Variants in NRCAM observed in about 807,000 individuals in gnomAD.
NRCAM encodes the protein NgCAM-related cell adhesion molecule.
In NRCAM, 83 loss-of-function variants were observed where a neutral mutation model predicts 156.5. The ratio of observed to expected loss-of-function variants is 0.53; its 90% CI spans 0.44 to 0.64. The LOEUF is 0.64. Among genes scored for constraint, NRCAM ranks in the 30% least tolerant of loss-of-function variants. The pLI, the probability that NRCAM is intolerant of heterozygous loss-of-function variation, is 0.00. For synonymous variants in NRCAM, 538 were observed against 563.9 expected (o/e 0.95, Z 0.65); for missense variants, 1,417 against 1,597.3 (o/e 0.89, Z 1.92).
At chr7:108,257,008 A>G (rs2096700630) in intron 3 of NRCAM, among the ~76,000 whole-genome samples, 1 of 146,200 alleles carries the variant, frequency 6.8e-6, no homozygotes, top group African/African-American at 2.6e-5. Flanking sequence ...GACTGTCGAA[A>G]AAAAAAAAAA....
At chr7:108,243,568 T>C (rs2095686890) in intron 3 of NRCAM, among the ~76,000 whole-genome samples, 1 of 152,218 alleles carries the variant, frequency 6.6e-6, no homozygotes, top group Non-Finnish European at 1.5e-5. Context: ...AATCCCAATT[T>C]GAAATAGCAG....
intron 1 of NRCAM, among the ~76,000 whole-genome samples, chr7:108,447,921 T>A (rs1410125450): frequency 1.3e-5 from 2 of 152,234 alleles, no homozygotes; most frequent in Non-Finnish European, 2.9e-5. Context: ...AAACTTTTAT[T>A]CTTTTCCCTT....
intron 2 of NRCAM, among the ~76,000 whole-genome samples, chr7:108,332,774 T>C (rs903916649): frequency 6.6e-6 from 1 of 152,156 alleles, no homozygotes; most frequent in African/African-American, 2.4e-5. Context: ...ACAACACACA[T>C]CTTATTCAAA....
chr7:108,366,379 TAA>T (rs35434650), intron 2 of NRCAM, among the ~76,000 whole-genome samples: 1 of 152,196 alleles, frequency 6.6e-6, no homozygotes, highest in Non-Finnish European at 1.5e-5. Context: ...ACCACTAATG[TAA>T]AAGTCTTATG....
At chr7:108,239,077 G>C (rs530551561) in intron 4 of NRCAM, among the ~76,000 whole-genome samples, 184 of 152,200 alleles carry the variant, frequency 1.2e-3, no homozygotes, top group Non-Finnish European at 2.1e-3. Flanking sequence ...ATGCAGATGA[G>C]GGATAAAGGA....
intron 2 of NRCAM, among the ~76,000 whole-genome samples, chr7:108,338,858 C>T (rs1483318180): frequency 2.6e-5 from 4 of 152,134 alleles, no homozygotes; most frequent in South Asian, 2.1e-4. Context: ...ACACTGAGAC[C>T]GCTGACAACC....
chr7:108,360,011 T>C (rs1441378700), intron 2 of NRCAM, among the ~76,000 whole-genome samples: 2 of 152,214 alleles, frequency 1.3e-5, no homozygotes, highest in African/African-American at 4.8e-5. Context: ...GTTTTTAGAT[T>C]CATCCATGTT....
intron 2 of NRCAM, among the ~76,000 whole-genome samples, chr7:108,336,134 T>C (rs2099187037): frequency 6.6e-6 from 1 of 152,188 alleles, no homozygotes; most frequent in Non-Finnish European, 1.5e-5. Flanking sequence ...TTATTTTCTA[T>C]AATTACTCAT....
At chr7:108,239,062 A>G (rs1050651267) in intron 4 of NRCAM, among the ~76,000 whole-genome samples, 2 of 152,216 alleles carry the variant, frequency 1.3e-5, no homozygotes, top group Non-Finnish European at 2.9e-5. Context: ...GGCTTCAAAG[A>G]GGTCATGCAG....
chr7:108,234,457 C>T, intron 6 of NRCAM, 126 bp downstream of exon 6: 3 of 637,822 alleles, frequency 4.7e-6, no homozygotes, highest in Non-Finnish European at 5.5e-6. Flanking sequence ...GAGAAATATC[C>T]AACTGAAAAA....
intron 2 of NRCAM, among the ~76,000 whole-genome samples, chr7:108,358,019 T>C (rs2099518680): frequency 6.6e-6 from 1 of 152,112 alleles, no homozygotes; most frequent in South Asian, 2.1e-4. Context: ...CAGGGAAGAA[T>C]CTTGTGATTG....
chr7:108,202,144 A>G (rs2078533953), intron 13 of NRCAM, among the ~76,000 whole-genome samples: 1 of 152,218 alleles, frequency 6.6e-6, no homozygotes, highest in South Asian at 2.1e-4. Context: ...CACTGGAGAA[A>G]GAAATTTAAA....
chr7:108,196,449 A>C (rs1406045804), intron 14 of NRCAM, among the ~76,000 whole-genome samples: 23 of 152,226 alleles, frequency 1.5e-4, no homozygotes, highest in Admixed American at 1.5e-3. Flanking sequence ...TAAGGGGTTA[A>C]TACCAAAATA....
chr7:108,232,149 AC>A (rs2094417494), intron 7 of NRCAM, among the ~76,000 whole-genome samples, 176 bp downstream of exon 7: 1 of 152,110 alleles, frequency 6.6e-6, no homozygotes, highest in Non-Finnish European at 1.5e-5. Context: ...AAAGCATTGG[AC>A]TAAGGAGCTT....
chr7:108,280,260 C>T (rs1210146753), intron 3 of NRCAM, among the ~76,000 whole-genome samples: 1 of 152,216 alleles, frequency 6.6e-6, no homozygotes, highest in African/African-American at 2.4e-5. Flanking sequence ...ATTCTGGCTC[C>T]TTTCACCAGA....
intron 28 of NRCAM, among the ~76,000 whole-genome samples, chr7:108,171,250 T>A (rs754896910): frequency 8.1e-5 from 12 of 148,004 alleles, no homozygotes; most frequent in Non-Finnish European, 1.7e-4. Context: ...CCAGTGTAGT[T>A]ACCTACATTT....
intron 1 of NRCAM, among the ~76,000 whole-genome samples, chr7:108,432,977 G>C (rs1348504217): frequency 6.6e-6 from 1 of 152,084 alleles, no homozygotes; most frequent in Non-Finnish European, 1.5e-5. Context: ...AAGAGAAAAA[G>C]AGAAAAGAAA....
chr7:108,275,794 C>T (rs796509963), intron 3 of NRCAM, among the ~76,000 whole-genome samples: 1 of 152,102 alleles, frequency 6.6e-6, no homozygotes. Flanking sequence ...TTTGTTTGCT[C>T]TTGCTTCTCT....
At chr7:108,430,795 A>G (rs1366921443) in intron 1 of NRCAM, among the ~76,000 whole-genome samples, 1 of 152,082 alleles carries the variant, frequency 6.6e-6, no homozygotes. Flanking sequence ...GTCAAAAACC[A>G]CTTCCTCTGT....
Sources: gnomAD v4.1 joint callset for allele counts (sites outside exome capture counted in the v4.1 genomes callset) on GRCh38, gnomAD v4.1.1 for gene constraint, MANE v1.5 for transcripts, NCBI Gene and HGNC (gene_info 2026-07-23, HGNC 2026-07-21) for gene names.